CDH12: variants seen among roughly 807,000 people sequenced by gnomAD.
CDH12 encodes the protein cadherin 12, also known as cadherin-12.
A neutral mutation model predicts 74.1 loss-of-function variants in CDH12; 41 were observed. That is an observed-to-expected ratio of 0.55 (90% confidence interval 0.43 to 0.72). The LOEUF (loss-of-function observed/expected upper bound fraction) is 0.72. Among genes scored for constraint, CDH12 ranks in the 30% least tolerant of loss-of-function variants. The pLI is 0.00. For synonymous variants in CDH12, 399 were observed against 355.0 expected (o/e 1.12, Z -1.39); for missense variants, 945 against 977.2 (o/e 0.97, Z 0.44).
intron 3 of CDH12, among the ~76,000 whole-genome samples, chr5:22,304,890 G>C (rs1370136215): frequency 6.6e-6 from 1 of 152,168 alleles, no homozygotes; most frequent in Admixed American, 6.5e-5. Context: ...TCCTGAAAAG[G>C]CTGCTAAGGG....
intron 11 of CDH12, among the ~76,000 whole-genome samples, chr5:21,776,425 G>A (rs1745592717): frequency 6.6e-6 from 1 of 152,250 alleles, no homozygotes; most frequent in East Asian, 1.9e-4. Context: ...TAAAGAGTAG[G>A]TTTTTCTTCT....
At chr5:21,906,250 G>A in intron 6 of CDH12, among the ~76,000 whole-genome samples, 1 of 152,194 alleles carries the variant, frequency 6.6e-6, no homozygotes, top group South Asian at 2.1e-4. Flanking sequence ...GGGTTTTCAT[G>A]ACTTCAGTCA....
chr5:21,965,187 T>C (rs540538572), intron 6 of CDH12, among the ~76,000 whole-genome samples: 1 of 152,150 alleles, frequency 6.6e-6, no homozygotes, highest in East Asian at 1.9e-4. Context: ...AAAATAGAAG[T>C]GTATACTCTA....
At chr5:22,774,846 A>C (rs1200195078) in intron 1 of CDH12, among the ~76,000 whole-genome samples, 1 of 152,104 alleles carries the variant, frequency 6.6e-6, no homozygotes, top group African/African-American at 2.4e-5. Flanking sequence ...GGGAGAAAAA[A>C]GAGGGGCAAA....
chr5:22,034,926 G>C, intron 5 of CDH12, among the ~76,000 whole-genome samples: 1 of 152,112 alleles, frequency 6.6e-6, no homozygotes, highest in Admixed American at 6.6e-5. Flanking sequence ...TAACGCCATT[G>C]ACAGGTTCTT....
chr5:22,827,627 C>A (rs1184526444), intron 1 of CDH12, among the ~76,000 whole-genome samples: 1 of 152,156 alleles, frequency 6.6e-6, no homozygotes. Flanking sequence ...TTCATGTTGA[C>A]AACATCTTGC....
chr5:22,812,558 G>A (rs1434000339), intron 1 of CDH12, among the ~76,000 whole-genome samples: 1 of 152,142 alleles, frequency 6.6e-6, no homozygotes, highest in Non-Finnish European at 1.5e-5. Context: ...CTGACAGTAT[G>A]TGACAGTGTC....
At chr5:21,967,372 A>T (rs1222546012) in intron 6 of CDH12, among the ~76,000 whole-genome samples, 1 of 152,184 alleles carries the variant, frequency 6.6e-6, no homozygotes, top group Admixed American at 6.5e-5. Context: ...AAGAAAAATG[A>T]TGTTCATAGC....
chr5:22,030,122 G>A (rs1479250603), intron 5 of CDH12, among the ~76,000 whole-genome samples: 2 of 150,798 alleles, frequency 1.3e-5, no homozygotes. Context: ...GTGGGGTGGG[G>A]GGGAGGGGGG....
intron 3 of CDH12, among the ~76,000 whole-genome samples, chr5:22,387,556 T>C (rs1436906727): frequency 6.6e-6 from 1 of 152,180 alleles, no homozygotes. Flanking sequence ...TATTGGCTGC[T>C]GTCTACATAC....
At chr5:21,905,601 G>C (rs1753604719) in intron 6 of CDH12, among the ~76,000 whole-genome samples, 1 of 152,128 alleles carries the variant, frequency 6.6e-6, no homozygotes, top group Admixed American at 6.6e-5. Context: ...CTCTCTCTCA[G>C]ACTCCCAATT....
At chr5:22,727,324 A>G (rs1241474021) in intron 1 of CDH12, among the ~76,000 whole-genome samples, 1 of 151,748 alleles carries the variant, frequency 6.6e-6, no homozygotes, top group Non-Finnish European at 1.5e-5. Flanking sequence ...CTTATTAAAT[A>G]TTTTTAAAAG....
chr5:22,284,930 A>C (rs1737068071), intron 3 of CDH12, among the ~76,000 whole-genome samples: 1 of 124,054 alleles, frequency 8.1e-6, no homozygotes, highest in Non-Finnish European at 1.7e-5. Flanking sequence ...GGCAAAAGAG[A>C]AAAAAAGGGA....
intron 1 of CDH12, among the ~76,000 whole-genome samples, chr5:22,608,642 C>G (rs1479431362): frequency 6.6e-6 from 1 of 152,102 alleles, no homozygotes; most frequent in African/African-American, 2.4e-5. Flanking sequence ...TGTCCCCACA[C>G]AAATCTCACT....
chr5:21,968,382 T>A (rs1756680757), intron 6 of CDH12, among the ~76,000 whole-genome samples: 1 of 152,276 alleles, frequency 6.6e-6, no homozygotes, highest in East Asian at 1.9e-4. Context: ...CACAACTACA[T>A]ACAACTAGGA....
chr5:22,433,920 A>C (rs1232539508), intron 2 of CDH12, among the ~76,000 whole-genome samples: 1 of 152,152 alleles, frequency 6.6e-6, no homozygotes, highest in Non-Finnish European at 1.5e-5. Context: ...AATTTAGATA[A>C]TATGCAGTAT....
intron 1 of CDH12, among the ~76,000 whole-genome samples, chr5:22,543,602 T>C (rs2126722519): frequency 6.6e-6 from 1 of 152,304 alleles, no homozygotes; most frequent in African/African-American, 2.4e-5. Flanking sequence ...TTTCTTCATT[T>C]CTGAGAACCT....
intron 3 of CDH12, among the ~76,000 whole-genome samples, chr5:22,271,648 C>T (rs1165405925): frequency 5.3e-5 from 8 of 152,078 alleles, no homozygotes; most frequent in African/African-American, 1.4e-4. Context: ...ACTTTGAAGT[C>T]GAGAATACTC....
In CDH12 at chr5:22,753,999, G is replaced by T. The variant is rs76344723; in HGVS notation, c.-523+99059C>A. ...TCCATATTCTTTTCATAAACTTGAAGTCTGTTATTAAGCAGTCCATAAGTT... is the reference window on the plus strand; with the variant it reads ...TCCATATTCTTTTCATAAACTTGAATTCTGTTATTAAGCAGTCCATAAGTT... On this transcript the variant is annotated intron_variant, in intron 1 of 14. Transcript: ENST00000382254. Among the ~76,000 whole-genome samples, 688 of 152,162 alleles carry T rather than the reference G, an allele frequency of 4.5e-3. 3 individuals carry two copies. Among genetic ancestry groups the T allele is most frequent in the African/African-American group, 0.016 (662 of 41,508 alleles).
Sources: gnomAD v4.1 joint callset for allele counts (sites outside exome capture counted in the v4.1 genomes callset) on GRCh38, gnomAD v4.1.1 for gene constraint, MANE v1.5 for transcripts, NCBI Gene and HGNC (gene_info 2026-07-23, HGNC 2026-07-21) for gene names.